Variants in PRKCE observed in about 807,000 individuals in gnomAD.
PRKCE encodes protein kinase C epsilon, also known as protein kinase C epsilon type.
Under a neutral mutation model 85.4 loss-of-function variants are expected in PRKCE, and 16 were observed. The ratio of observed to expected loss-of-function variants is 0.19; its 90% CI spans 0.13 to 0.28. The LOEUF (loss-of-function observed/expected upper bound fraction) is 0.28, where lower values mean the gene tolerates loss of function less well. Among genes scored for constraint, PRKCE ranks in the 10% least tolerant of loss-of-function variants. The probability of loss-of-function intolerance (pLI) is 1.00; values close to 1 mark genes in which losing one functional copy is unlikely to be tolerated. For synonymous variants in PRKCE, 388 were observed against 371.5 expected, an observed-to-expected ratio of 1.04 and a Z score of -0.51; for missense variants, 573 against 975.2, an observed-to-expected ratio of 0.59 and a Z score of 5.49.
chr2:45,817,426 G>T (rs543725677), intron 1 of PRKCE, among the ~76,000 whole-genome samples: 1 of 152,278 alleles, frequency 6.6e-6, no homozygotes, highest in East Asian at 1.9e-4. Flanking sequence ...GGGCGCGGTG[G>T]CTCACGCTTG....
At chr2:46,086,460 C>T (rs542435616) in intron 11 of PRKCE, 98 bp downstream of exon 11, 10 of 1,394,902 alleles carry the variant, frequency 7.2e-6, no homozygotes, top group South Asian at 1.4e-5. Context: ...CGTCTCTTAG[C>T]AACCTGCTTT....
chr2:45,988,261 G>C lies in PRKCE; in HGVS notation c.823+3581G>C, dbSNP rs56833440. 7.8e-3 allele frequency among the ~76,000 whole-genome samples: 1,184 copies of C among 152,268 alleles called. 15 individuals are homozygous for C. Among genetic ancestry groups the C allele is most frequent in the African/African-American group, 0.027 (1,128 of 41,540 alleles). ...TTCCCATTCCTGGAAATAGATTACA[G>C]TATTTTCAGCAAAACAGGTTTCTTC... is the stretch of plus-strand genomic sequence containing the variant. On this transcript the variant is annotated intron_variant, in intron 6 of 14. Coordinates refer to ENST00000306156, the MANE Select transcript of PRKCE (RefSeq NM_005400.3).
At chr2:46,005,517 G>T (rs1705109038) in intron 8 of PRKCE, among the ~76,000 whole-genome samples, 1 of 152,128 alleles carries the variant, frequency 6.6e-6, no homozygotes, top group Admixed American at 6.6e-5. Context: ...CCCCAGGTTA[G>T]TGAGTGGGAA....
intron 10 of PRKCE, among the ~76,000 whole-genome samples, chr2:46,045,269 G>C (rs764141069): frequency 6.6e-6 from 1 of 152,204 alleles, no homozygotes; most frequent in Non-Finnish European, 1.5e-5. Context: ...GTGTGAATAA[G>C]TTGGCCATGT....
At chr2:45,705,492 C>T (rs185068835) in intron 1 of PRKCE, among the ~76,000 whole-genome samples, 9 of 152,300 alleles carry the variant, frequency 5.9e-5, no homozygotes, top group Non-Finnish European at 1.0e-4. Context: ...TTCCCTGCAC[C>T]GCATGCTCCA....
intron 1 of PRKCE, among the ~76,000 whole-genome samples, chr2:45,721,034 G>T (rs2104458448): frequency 6.6e-6 from 1 of 152,290 alleles, no homozygotes; most frequent in South Asian, 2.1e-4. Flanking sequence ...TTGAACCTGG[G>T]AGGCAGAGGT....
At chr2:46,007,986 G>A (rs976286476) in intron 9 of PRKCE, among the ~76,000 whole-genome samples, 4 of 152,212 alleles carry the variant, frequency 2.6e-5, no homozygotes, top group Non-Finnish European at 5.9e-5. Context: ...CAAATCAATA[G>A]TAGTGTCAAT....
chr2:45,659,620 T>C (rs1250390201), intron 1 of PRKCE, among the ~76,000 whole-genome samples: 17 of 152,174 alleles, frequency 1.1e-4, no homozygotes, highest in Non-Finnish European at 8.8e-5. Flanking sequence ...CATTCCTCTC[T>C]AGCTATCCTG....
chr2:46,119,402 T>C (rs1431779890), intron 11 of PRKCE, among the ~76,000 whole-genome samples: 1 of 152,192 alleles, frequency 6.6e-6, no homozygotes, highest in Non-Finnish European at 1.5e-5. Flanking sequence ...ACTTAATCTT[T>C]ATAAATAAAG....
At chr2:46,166,498 G>C (rs1353335454) in intron 14 of PRKCE, among the ~76,000 whole-genome samples, 4 of 152,264 alleles carry the variant, frequency 2.6e-5, no homozygotes, top group African/African-American at 9.6e-5. Flanking sequence ...CCTGTTTTTG[G>C]TGGTTGACCC....
chr2:45,679,773 C>G (rs1676745611), intron 1 of PRKCE, among the ~76,000 whole-genome samples: 1 of 152,094 alleles, frequency 6.6e-6, no homozygotes, highest in East Asian at 1.9e-4. Flanking sequence ...TGTTGATTGA[C>G]CTCTGTAGGC....
chr2:45,812,582 C>A (rs1688730317), intron 1 of PRKCE, among the ~76,000 whole-genome samples: 1 of 152,158 alleles, frequency 6.6e-6, no homozygotes, highest in Non-Finnish European at 1.5e-5. Flanking sequence ...TATTAGTATC[C>A]ACTTCACAAG....
chr2:45,904,853 G>A (rs532010737), intron 2 of PRKCE, among the ~76,000 whole-genome samples: 1 of 152,222 alleles, frequency 6.6e-6, no homozygotes, highest in Non-Finnish European at 1.5e-5. Context: ...ACCCATGAGA[G>A]GGGGGCTGGG....
At chr2:45,930,674 T>C (rs1698977493) in intron 2 of PRKCE, among the ~76,000 whole-genome samples, 1 of 152,264 alleles carries the variant, frequency 6.6e-6, no homozygotes, top group South Asian at 2.1e-4. Context: ...CATGATTTAT[T>C]GCACCTAGAA....
chr2:45,797,354 G>C (rs1388704498), intron 1 of PRKCE, among the ~76,000 whole-genome samples: 1 of 152,180 alleles, frequency 6.6e-6, no homozygotes, highest in Admixed American at 6.5e-5. Context: ...GGGTTTCTCA[G>C]CTCTCCACGA....
rs566485597 is a variant in PRKCE, at chr2:45,997,371, G to C, written c.824-4033G>C. On this transcript the variant is annotated intron_variant, in intron 6 of 14. Transcript: ENST00000306156. ...TCCTGCTTACTTTGGATTTAAGTAA[G>C]CTACTTTGGTCTCCTTTTTCTAGTT... Among the ~76,000 whole-genome samples the C allele has an allele frequency of 5.9e-5, 9 of 151,994 alleles. No individual in the cohort carries two copies. In the South Asian group the frequency reaches 1.9e-3, roughly 32 times the overall value.
rs61758286 is a variant in PRKCE, at chr2:46,006,020, A to G, written c.1063+1382A>G. Among the ~76,000 whole-genome samples the G allele has an allele frequency of 1.6e-3, 239 of 152,258 alleles. 3 individuals carry two copies. Among genetic ancestry groups the G allele is most frequent in the African/African-American group, 5.2e-3 (217 of 41,536 alleles). On this transcript the variant is annotated intron_variant, in intron 8 of 14. Coordinates refer to ENST00000306156, the MANE Select transcript of PRKCE (RefSeq NM_005400.3). ...TTTGTAGGCCTGGCTCCTGCCCTGC[A>G]TGCTCTCTGGCTCTGAGCTCTGCCA...
chr2:45,907,408 C>A lies in PRKCE; in HGVS notation c.412+64345C>A, dbSNP rs1157365176. Reference sequence around the variant, plus strand: ...AAGAACATCTGCGAGTCCTGCATTGCATTTGCTGAATAGCTGTTGGGGTAA... The same window carrying A: ...AAGAACATCTGCGAGTCCTGCATTGAATTTGCTGAATAGCTGTTGGGGTAA... On this transcript the variant is annotated intron_variant, in intron 2 of 14. Coordinates refer to ENST00000306156, the MANE Select transcript of PRKCE (RefSeq NM_005400.3). The surrounding 1 kb of genome is among the most constrained non-coding windows in gnomAD (Gnocchi z 4.5). Among the ~76,000 whole-genome samples the A allele has an allele frequency of 6.6e-6, 1 of 152,202 alleles. No individual in the cohort carries two copies. Among genetic ancestry groups the A allele is most frequent in the African/African-American group, 2.4e-5 (1 of 41,436 alleles).
At chr2:45,754,028 T>C (rs1437800073) in intron 1 of PRKCE, among the ~76,000 whole-genome samples, 1 of 152,186 alleles carries the variant, frequency 6.6e-6, no homozygotes, top group Non-Finnish European at 1.5e-5. Flanking sequence ...AAGGCCTATA[T>C]TCACATTGCC....
Sources: allele counts gnomAD v4.1 joint callset (sites outside exome capture counted in the v4.1 genomes callset), GRCh38; gene constraint gnomAD v4.1.1; non-coding constraint Gnocchi (gnomAD v3.1); transcripts MANE v1.5; gene names NCBI Gene and HGNC (gene_info 2026-07-23, HGNC 2026-07-21).